MCU: variants seen among roughly 807,000 people sequenced by gnomAD.
MCU encodes mitochondrial calcium uniporter.
Under a neutral mutation model 45.2 loss-of-function variants are expected in MCU, and 12 were observed. The ratio of observed to expected loss-of-function variants is 0.27; its 90% CI spans 0.17 to 0.43. MCU has a LOEUF of 0.43. Among genes scored for constraint, MCU ranks in the 20% least tolerant of loss-of-function variants. The pLI, the probability that MCU is intolerant of heterozygous loss-of-function variation, is 1.00. For missense variants in MCU, 324 were observed against 436.7 expected, an observed-to-expected ratio of 0.74 and a Z score of 2.30; for synonymous variants, 160 against 165.1, an observed-to-expected ratio of 0.97 and a Z score of 0.24.
intron 1 of MCU, among the ~76,000 whole-genome samples, chr10:72,749,924 G>A (rs1843470229): frequency 6.6e-6 from 1 of 151,292 alleles, no homozygotes; most frequent in Non-Finnish European, 1.5e-5. Flanking sequence ...GTGCTACCAT[G>A]TCCAGCTAAT....
At chr10:72,873,303 C>T (rs1306887361) in intron 6 of MCU, among the ~76,000 whole-genome samples, 4 of 152,042 alleles carry the variant, frequency 2.6e-5, no homozygotes, top group Admixed American at 2.0e-4. Flanking sequence ...CAGGCGTGAG[C>T]GACCGTGCCC....
At chr10:72,833,395 G>T (rs1844908405) in intron 1 of MCU, among the ~76,000 whole-genome samples, 1 of 152,116 alleles carries the variant, frequency 6.6e-6, no homozygotes, top group African/African-American at 2.4e-5. Context: ...TTACATTTCT[G>T]CATGCTCTTT....
chr10:72,744,127 G>C (rs781021760), intron 1 of MCU, among the ~76,000 whole-genome samples: 27 of 150,940 alleles, frequency 1.8e-4, no homozygotes, highest in Admixed American at 5.9e-4. Context: ...TAATATAGGA[G>C]GTATTTTCTA....
intron 1 of MCU, among the ~76,000 whole-genome samples, chr10:72,702,789 C>T (rs2132650778): frequency 6.6e-6 from 1 of 152,052 alleles, no homozygotes; most frequent in African/African-American, 2.4e-5. Context: ...CCAGCCTGGC[C>T]AACATGGTGA....
chr10:72,829,737 A>T (rs1220089686), intron 1 of MCU, among the ~76,000 whole-genome samples: 1 of 152,078 alleles, frequency 6.6e-6, no homozygotes, highest in Admixed American at 6.5e-5. Flanking sequence ...ATTATGGAAG[A>T]GTTTAGAATA....
At chr10:72,879,599 CAGA>C (rs2132897958) in intron 6 of MCU, among the ~76,000 whole-genome samples, 1 of 152,012 alleles carries the variant, frequency 6.6e-6, no homozygotes, top group African/African-American at 2.4e-5. Flanking sequence ...GTTCTTTGGG[CAGA>C]AGAAAGATTA....
intron 1 of MCU, among the ~76,000 whole-genome samples, chr10:72,700,147 C>T (rs1020434327): frequency 6.8e-6 from 1 of 147,360 alleles, no homozygotes; most frequent in East Asian, 2.0e-4. Context: ...ACAGCCTCTG[C>T]CCCCAGAGTT....
intron 5 of MCU, among the ~76,000 whole-genome samples, chr10:72,870,617 T>C (rs1281151211): frequency 1.3e-5 from 2 of 152,186 alleles, no homozygotes; most frequent in Non-Finnish European, 2.9e-5. Flanking sequence ...TTGGAACAAC[T>C]CTTTAATGAA....
intron 1 of MCU, among the ~76,000 whole-genome samples, chr10:72,777,946 A>G (rs552391915): frequency 6.6e-6 from 1 of 152,298 alleles, no homozygotes; most frequent in Admixed American, 6.5e-5. Flanking sequence ...AGCATCACTA[A>G]TAGAGAAATG....
chr10:72,706,400 A>G (rs1842820159), intron 1 of MCU, among the ~76,000 whole-genome samples: 1 of 152,170 alleles, frequency 6.6e-6, no homozygotes, highest in Admixed American at 6.5e-5. Flanking sequence ...GAGTGATTAT[A>G]GCATTTTTAT....
At position 72,743,007 on chromosome 10, in the gene MCU, TGA is replaced by T. The variant is rs770583888; in HGVS notation, c.150+50712_150+50713del. Among the ~76,000 whole-genome samples, 12 of 150,264 alleles carry T rather than the reference TGA, an allele frequency of 8.0e-5. No individual in the cohort carries two copies. In the East Asian group the frequency reaches 1.8e-3, roughly 22 times the overall value. On this transcript the variant is annotated intron_variant, in intron 1 of 7. Transcript: ENST00000373053. ...TGTGAGAGTGTGTGAGAGAGTGAAG[TGA>T]GAGAGTATGAGAGAGAGGGTGAGGG...
intron 1 of MCU, among the ~76,000 whole-genome samples, chr10:72,762,675 C>T (rs1186064992): frequency 6.6e-6 from 1 of 152,072 alleles, no homozygotes. Flanking sequence ...AGCACCTCTA[C>T]GTACAGGAAC....
intron 1 of MCU, among the ~76,000 whole-genome samples, chr10:72,700,036 C>A (rs1029235809): frequency 6.7e-6 from 1 of 149,798 alleles, no homozygotes; most frequent in Non-Finnish European, 1.5e-5. Flanking sequence ...GAGAGTGGTT[C>A]TAAAAAGTGG....
intron 1 of MCU, among the ~76,000 whole-genome samples, chr10:72,805,171 C>CTTTCTTTT (rs1844424830): frequency 7.4e-6 from 1 of 135,774 alleles, no homozygotes; most frequent in Admixed American, 7.1e-5. Flanking sequence ...GTCTCTCTCT[C>CTTTCTTTT]TCTCTCTTTC....
chr10:72,762,879 G>A (rs1021439477), intron 1 of MCU, among the ~76,000 whole-genome samples: 2 of 151,978 alleles, frequency 1.3e-5, no homozygotes, highest in South Asian at 2.1e-4. Context: ...ATTTCTGTAG[G>A]TCAGAAATCT....
At chr10:72,706,739 G>A (rs902648160) in intron 1 of MCU, among the ~76,000 whole-genome samples, 1 of 151,222 alleles carries the variant, frequency 6.6e-6, no homozygotes, top group African/African-American at 2.4e-5. Flanking sequence ...GTTTCACCAT[G>A]TTGGCCAGAA....
intron 1 of MCU, among the ~76,000 whole-genome samples, chr10:72,772,451 C>G (rs551791715): frequency 6.6e-6 from 1 of 152,352 alleles, no homozygotes; most frequent in South Asian, 2.1e-4. Context: ...AATCCCAGCA[C>G]TTTGGGAGGT....
At chr10:72,759,706 A>G (rs1317754104) in intron 1 of MCU, among the ~76,000 whole-genome samples, 3 of 152,184 alleles carry the variant, frequency 2.0e-5, no homozygotes, top group African/African-American at 4.8e-5. Flanking sequence ...CTAACCCTCA[A>G]TGTGACTATT....
At position 72,739,965 on chromosome 10, in the gene MCU, C is replaced by T. The variant is rs189040170; in HGVS notation, c.150+47664C>T. 2.0e-4 allele frequency among the ~76,000 whole-genome samples: 30 copies of T among 152,028 alleles called. 1 individual carries two copies. In the South Asian group the frequency reaches 2.3e-3, roughly 12 times the overall value. ...TGCAGGGATTACAGGTGTGAGCCAC[C>T]GTGCCCAGCTGAAAATTAAGATTTT... On this transcript the variant is annotated intron_variant, in intron 1 of 7. Coordinates refer to ENST00000373053, the MANE Select transcript of MCU (RefSeq NM_138357.3).
Sources: allele counts gnomAD v4.1 joint callset (sites outside exome capture counted in the v4.1 genomes callset), GRCh38; gene constraint gnomAD v4.1.1; transcripts MANE v1.5; gene names NCBI Gene and HGNC (gene_info 2026-07-23, HGNC 2026-07-21).